Variants in NDUFS1 observed in about 807,000 individuals in gnomAD.
NDUFS1 encodes NADH-ubiquinone oxidoreductase 75 kDa subunit, mitochondrial.
A neutral mutation model predicts 84.4 loss-of-function variants in NDUFS1; 61 were observed. The ratio of observed to expected loss-of-function variants is 0.72; its 90% CI spans 0.59 to 0.89. The LOEUF (loss-of-function observed/expected upper bound fraction) is 0.89, where lower values mean the gene tolerates loss of function less well. NDUFS1 is among the 40% of genes least tolerant of loss of function. NDUFS1 has a pLI of 0.00. For missense variants in NDUFS1, 891 were observed against 890.0 expected (o/e 1.00, Z -0.01); for synonymous variants, 275 against 290.0 (o/e 0.95, Z 0.53).
intron 13 of NDUFS1, among the ~76,000 whole-genome samples, chr2:206,137,111 C>A (rs1036137377): frequency 2.0e-5 from 3 of 152,086 alleles, no homozygotes; most frequent in East Asian, 1.9e-4. Context: ...ATAAAGAGAA[C>A]CTTGTATCTT....
Position 206,138,498 on chromosome 2 carries a change from T to A in NDUFS1, c.1379A>T (p.His460Leu). Residue 460 changes from histidine (H) to leucine (L), a missense_variant, in exon 13 of 19, where the codon CAT becomes CTT. His to Leu is a moderately conservative substitution (Grantham distance 99). Transcript: ENST00000233190. ...AGTTGAGAGCACCTGGCTAAATGGA[T>A]GGCTTCCCGAAGCAATGTCTTGAAG... ...KILQDIASGSHPFSQVLKEAK... is the reference protein window; with the variant it reads ...KILQDIASGSLPFSQVLKEAK... 1 of 1,614,104 alleles carries A rather than the reference T, an allele frequency of 6.2e-7. No individual in the cohort carries two copies.
At chr2:206,133,456 T>C (rs1233892247) in intron 13 of NDUFS1, among the ~76,000 whole-genome samples, 1 of 152,200 alleles carries the variant, frequency 6.6e-6, no homozygotes, top group Non-Finnish European at 1.5e-5. Flanking sequence ...AATTAAAGAA[T>C]AGGAAAAACT....
Position 206,123,849 on chromosome 2 carries a change from C to A in NDUFS1, c.*336G>T, listed in dbSNP as rs1044120. ...TAGAAAAAAGTAGGTTTTAATTGAA[C>A]CTCTTTTCATTTCATCCATTTTACA... On this transcript the variant is annotated 3_prime_UTR_variant, in exon 19 of 19. Transcript: ENST00000233190. The A allele has an allele frequency of 0.49, 101,080 of 205,206 alleles. 27,059 individuals carry two copies. The highest frequency in any genetic ancestry group is 0.73 in the African/African-American group (31,678 of 43,168). The allele number at this position is 205,206 out of a possible 1,614,324, so 12.7% of individuals were successfully genotyped here. A position where few individuals can be genotyped will look rare whatever the true frequency, so the allele number is the denominator to read the frequency against.
intron 3 of NDUFS1, among the ~76,000 whole-genome samples, chr2:206,151,196 T>C (rs544039651): frequency 6.6e-6 from 1 of 152,346 alleles, no homozygotes; most frequent in East Asian, 1.9e-4. Context: ...AAACTCCTGA[T>C]GGATCAAAAT....
Position 206,117,957 on chromosome 2 carries a change from T to C in NDUFS1, c.*6228A>G, listed in dbSNP as rs1690996631. ...AGTATCTCTTTAGGTGCCAATACTG[T>C]AAATTAATCACCAGTCTCAGATCAT... On this transcript the variant is annotated 3_prime_UTR_variant, in exon 19 of 19. Coordinates refer to ENST00000233190, the MANE Select transcript of NDUFS1 (RefSeq NM_005006.7). The C allele has an allele frequency of 6.6e-6, 1 of 152,234 alleles. No homozygotes were observed. Among genetic ancestry groups the C allele is most frequent in the African/African-American group, 2.4e-5 (1 of 41,466 alleles). 9.4% of individuals were successfully genotyped at this position (152,234 alleles called of 1,614,324 possible). A position where few individuals can be genotyped will look rare whatever the true frequency, so the allele number is the denominator to read the frequency against.
At position 206,115,852 on chromosome 2, in the gene NDUFS1, T is replaced by G; in HGVS notation, c.*8333A>C. 1 of 475,170 alleles carries G rather than the reference T, an allele frequency of 2.1e-6. No individual in the cohort carries two copies. The highest frequency in any genetic ancestry group is 2.0e-5 in the South Asian group (1 of 49,036). 29.4% of individuals were successfully genotyped at this position (475,170 alleles called of 1,614,324 possible). A position where few individuals can be genotyped will look rare whatever the true frequency, so the allele number is the denominator to read the frequency against. On this transcript the variant is annotated 3_prime_UTR_variant, in exon 19 of 19. Transcript: ENST00000233190. The stretch of plus-strand genomic sequence containing the variant: ...TTTTGTAACTAATTTTTACCATGGA[T>G]AATTTCATGGATAATTTCATGAATA...
chr2:206,139,390 T>C (rs559727574), intron 12 of NDUFS1, among the ~76,000 whole-genome samples: 22 of 152,162 alleles, frequency 1.4e-4, no homozygotes, highest in South Asian at 4.2e-4. Flanking sequence ...TTTCACCATG[T>C]TGGCCAGACT....
At chr2:206,159,286 A>G in intron 1 of NDUFS1, 55 bp downstream of exon 1, 1 of 745,532 alleles carries the variant, frequency 1.3e-6, no homozygotes, top group African/African-American at 1.7e-5. Context: ...AGTCCCGTCA[A>G]TAAATAAGCC....
chr2:206,116,376 T>C lies in NDUFS1; in HGVS notation c.*7809A>G. Reference sequence around the variant, plus strand: ...AATTTTGTCCCAACTTCAGGCAGATTACAGTAACCAGACGGCGCCCATCCC... The same window carrying C: ...AATTTTGTCCCAACTTCAGGCAGATCACAGTAACCAGACGGCGCCCATCCC... On this transcript the variant is annotated 3_prime_UTR_variant, in exon 19 of 19. Transcript: ENST00000233190. The C allele has an allele frequency of 1.2e-6, 1 of 827,232 alleles. No homozygotes were observed. The highest frequency in any genetic ancestry group is 1.7e-5 in the African/African-American group (1 of 59,794). The allele number at this position is 827,232 out of a possible 1,614,324, so 51.2% of individuals were successfully genotyped here.
At chr2:206,157,304 A>G (rs1291208809) in intron 1 of NDUFS1, among the ~76,000 whole-genome samples, 1 of 152,152 alleles carries the variant, frequency 6.6e-6, no homozygotes, top group Non-Finnish European at 1.5e-5. Context: ...TAGTACCAGT[A>G]CACACTGTGT....
chr2:206,150,513 T>C (rs188654072), intron 3 of NDUFS1, among the ~76,000 whole-genome samples: 22 of 152,350 alleles, frequency 1.4e-4, no homozygotes, highest in African/African-American at 5.0e-4. Flanking sequence ...AGTTAGTTCC[T>C]CATCCTCAGC....
At chr2:206,133,497 T>A (rs1691593212) in intron 13 of NDUFS1, among the ~76,000 whole-genome samples, 1 of 152,176 alleles carries the variant, frequency 6.6e-6, no homozygotes, top group South Asian at 2.1e-4. Flanking sequence ...CTATCTTCCA[T>A]CTACTTACCA....
In NDUFS1 at chr2:206,138,650, T is replaced by C. The variant is rs750558600; in HGVS notation, c.1263-36A>G. The C allele has an allele frequency of 1.6e-5, 25 of 1,608,026 alleles. 1 individual carries two copies. In the Admixed American group the frequency reaches 2.7e-4, roughly 17 times the overall value. On this transcript the variant is annotated intron_variant, in intron 12 of 18. Coordinates refer to ENST00000233190, the MANE Select transcript of NDUFS1 (RefSeq NM_005006.7). ...AACAACATTTTAAGAAGTAAATAAC[T>C]AAGCTAAGCAGTTACTGGTCTCATC...
intron 1 of NDUFS1, among the ~76,000 whole-genome samples, chr2:206,154,922 CTTT>C (rs71034412): frequency 4.0e-5 from 4 of 100,806 alleles, no homozygotes; most frequent in African/African-American, 8.4e-5. Flanking sequence ...GTGCCCGGCC[CTTT>C]TTTTTTTTTT....
chr2:206,133,107 T>G lies in NDUFS1; in HGVS notation c.1393-2A>C, dbSNP rs370009373. 27 of 1,594,310 alleles carry G rather than the reference T, an allele frequency of 1.7e-5. No homozygotes were observed. In the African/African-American group the frequency reaches 2.4e-4, roughly 14 times the overall value. ...TGGTTTTTTAGCTTCCTTTAGGACC[T>G]ATTTAAAAAAAAAAACAACTTTGAT... On this transcript the variant is annotated splice_acceptor_variant, in intron 13 of 18. Transcript: ENST00000233190. LOFTEE classifies it high-confidence loss of function.
chr2:206,135,010 T>C (rs371908623), intron 13 of NDUFS1, among the ~76,000 whole-genome samples: 3 of 151,826 alleles, frequency 2.0e-5, no homozygotes, highest in African/African-American at 2.4e-5. Flanking sequence ...GACAACTGCA[T>C]TGTCAAGAGT....
intron 9 of NDUFS1, 114 bp downstream of exon 9, chr2:206,144,778 C>T (rs1692094027): frequency 2.8e-6 from 3 of 1,078,538 alleles, no homozygotes; most frequent in Middle Eastern, 2.7e-4. Flanking sequence ...ACTCAGATTC[C>T]AGTAGTCTAT....
chr2:206,153,682 G>C lies in NDUFS1; in HGVS notation c.-4C>G, dbSNP rs768504980. On this transcript the variant is annotated splice_region_variant and 5_prime_UTR_variant, in exon 2 of 19. Transcript: ENST00000233190. ...TTCTTACAGGTATCCTTAACATATT[G>C]CTAAAAATAAAACAAAGAATTATAT... 1 of 1,446,262 alleles carries C rather than the reference G, an allele frequency of 6.9e-7. No individual in the cohort carries two copies. The highest frequency in any genetic ancestry group is 1.4e-5 in the African/African-American group (1 of 70,374). The allele number at this position is 1,446,262 out of a possible 1,614,324, so 89.6% of individuals were successfully genotyped here.
intron 1 of NDUFS1, among the ~76,000 whole-genome samples, chr2:206,156,220 G>T (rs368246263): frequency 1.4e-5 from 2 of 141,806 alleles, no homozygotes; most frequent in African/African-American, 5.4e-5. Flanking sequence ...CCAAGATCAC[G>T]CCACTGCACT....
Sources: allele counts gnomAD v4.1 joint callset (sites outside exome capture counted in the v4.1 genomes callset), GRCh38; gene constraint gnomAD v4.1.1; transcripts MANE v1.5; gene names NCBI Gene and HGNC (gene_info 2026-07-23, HGNC 2026-07-21).